The following BMERB1 variants were observed in gnomAD, a reference collection of about 807,000 sequenced individuals.
BMERB1 encodes the protein bMERB domain-containing protein 1.
Under a neutral mutation model 23.6 loss-of-function variants are expected in BMERB1, and 12 were observed. The observed-to-expected ratio is 0.51, with a 90% CI of 0.33 to 0.82. The LOEUF (loss-of-function observed/expected upper bound fraction) is 0.82, where lower values mean the gene tolerates loss of function less well. Among genes scored for constraint, BMERB1 ranks in the 40% least tolerant of loss-of-function variants. The pLI, the probability that BMERB1 is intolerant of heterozygous loss-of-function variation, is 0.03. For synonymous variants in BMERB1, 122 were observed against 96.6 expected (o/e 1.26, Z -1.54); for missense variants, 247 against 255.4 (o/e 0.97, Z 0.22).
rs908426918 is a variant in BMERB1 at position 15,587,737 on chromosome 16, G to A, written c.*908G>A. The A allele has an allele frequency of 2.5e-5, 7 of 284,590 alleles. No individual in the cohort carries two copies. The highest frequency in any genetic ancestry group is 6.7e-5 in the African/African-American group (3 of 44,484). The allele number at this position is 284,590 out of a possible 1,614,324, so 17.6% of individuals were successfully genotyped here. The stretch of plus-strand genomic sequence containing the variant: ...AACAGCAACAGGCAGGAGAGGCAGC[G>A]TGTGACCAGATTGTGTCCCGTCATT... On this transcript the variant is annotated 3_prime_UTR_variant, in exon 6 of 6. Coordinates refer to ENST00000300006, the MANE Select transcript of BMERB1 (RefSeq NM_033201.3).
At chr16:15,543,093 AAGT>A (rs1043236658) in intron 2 of BMERB1, among the ~76,000 whole-genome samples, 3 of 152,028 alleles carry the variant, frequency 2.0e-5, no homozygotes, top group Non-Finnish European at 4.4e-5. Context: ...ATTTTTTATT[AAGT>A]AGTGGAAGTG....
At chr16:15,490,045 T>G (rs1217128314) in intron 1 of BMERB1, among the ~76,000 whole-genome samples, 1 of 152,060 alleles carries the variant, frequency 6.6e-6, no homozygotes, top group East Asian at 1.9e-4. Context: ...TTTGTATTTT[T>G]TGTAGAGACG....
intron 1 of BMERB1, among the ~76,000 whole-genome samples, chr16:15,459,520 A>G (rs1282040103): frequency 6.6e-6 from 1 of 152,230 alleles, no homozygotes; most frequent in African/African-American, 2.4e-5. Context: ...AAAAAATGTT[A>G]CTAGAGACAA....
At chr16:15,499,438 A>T (rs1459660276) in intron 1 of BMERB1, among the ~76,000 whole-genome samples, 1 of 152,054 alleles carries the variant, frequency 6.6e-6, no homozygotes, top group East Asian at 1.9e-4. Context: ...AGTCAACGGC[A>T]TCAAATGCTC....
chr16:15,584,412 G>C (rs1043588646), intron 5 of BMERB1, among the ~76,000 whole-genome samples: 1 of 151,994 alleles, frequency 6.6e-6, no homozygotes, highest in Non-Finnish European at 1.5e-5. Flanking sequence ...CAAAAAATTA[G>C]CCGGGCTTGG....
At chr16:15,441,666 C>T (rs1181725554) in intron 1 of BMERB1, among the ~76,000 whole-genome samples, 2 of 152,078 alleles carry the variant, frequency 1.3e-5, no homozygotes, top group East Asian at 3.9e-4. Context: ...CCGTGAGCCA[C>T]GATGCCCAGC....
At chr16:15,499,108 C>T (rs750607957) in intron 1 of BMERB1, among the ~76,000 whole-genome samples, 1 of 152,204 alleles carries the variant, frequency 6.6e-6, no homozygotes. Context: ...AGGATTCCTC[C>T]CCAAATGGGC....
intron 1 of BMERB1, among the ~76,000 whole-genome samples, chr16:15,507,253 C>T (rs1306156454): frequency 1.3e-5 from 2 of 152,184 alleles, no homozygotes; most frequent in South Asian, 2.1e-4. Context: ...CCTCTATCAC[C>T]TCCACCACTC....
intron 1 of BMERB1, among the ~76,000 whole-genome samples, chr16:15,435,962 T>C (rs2050884638): frequency 6.6e-6 from 1 of 152,110 alleles, no homozygotes; most frequent in Non-Finnish European, 1.5e-5. Context: ...GGTCTTTCTT[T>C]CTAGTTCATC....
rs1026249827 is a variant in BMERB1 at position 15,534,864 on chromosome 16, G to A, written c.230+19436G>A. ...CGGCACCAATTTATGCTGAGCTCTT[G>A]CAAGTACCACCCCAGGTGTTTGTCA... On this transcript the variant is annotated intron_variant, in intron 2 of 5. Transcript: ENST00000300006. Among the ~76,000 whole-genome samples, 3 of 152,120 alleles carry A rather than the reference G, an allele frequency of 2.0e-5. No individual in the cohort carries two copies. In the East Asian group the frequency reaches 5.8e-4, roughly 29 times the overall value.
Position 15,548,375 on chromosome 16 carries a change from C to T in BMERB1, c.231-19608C>T, listed in dbSNP as rs544897453. 1.6e-4 allele frequency among the ~76,000 whole-genome samples: 25 copies of T among 152,316 alleles called. 1 individual carries two copies. The South Asian group carries it at 5.2e-3, about 32-fold the overall frequency. ...CTTTTCCCCAAATAATACTCAGCTT[C>T]TCTTCTAAGTAAACGTTGAATGAAT... is the stretch of plus-strand genomic sequence containing the variant. On this transcript the variant is annotated intron_variant, in intron 2 of 5. Coordinates refer to ENST00000300006, the MANE Select transcript of BMERB1 (RefSeq NM_033201.3).
chr16:15,481,015 A>G (rs1315451629), intron 1 of BMERB1, among the ~76,000 whole-genome samples: 2 of 152,342 alleles, frequency 1.3e-5, no homozygotes, highest in African/African-American at 4.8e-5. Flanking sequence ...ATAATAAAAA[A>G]TTAGAATCAG....
At chr16:15,583,409 A>C in intron 5 of BMERB1, among the ~76,000 whole-genome samples, 171 bp downstream of exon 5, 2 of 151,872 alleles carry the variant, frequency 1.3e-5, no homozygotes, top group Non-Finnish European at 2.9e-5. Context: ...GAAACCCCGT[A>C]TCTACCAAAA....
intron 2 of BMERB1, among the ~76,000 whole-genome samples, chr16:15,558,169 C>T (rs1398010906): frequency 6.6e-6 from 1 of 152,116 alleles, no homozygotes; most frequent in Non-Finnish European, 1.5e-5. Flanking sequence ...CCCTAGATAG[C>T]GAACCTGTCC....
chr16:15,504,948 C>G (rs1362970885), intron 1 of BMERB1, among the ~76,000 whole-genome samples: 1 of 152,022 alleles, frequency 6.6e-6, no homozygotes, highest in Non-Finnish European at 1.5e-5. Context: ...AGCACCCCCA[C>G]CCCCAGCCCT....
intron 1 of BMERB1, among the ~76,000 whole-genome samples, chr16:15,441,645 T>A (rs1334356923): frequency 6.6e-6 from 1 of 152,136 alleles, no homozygotes; most frequent in Admixed American, 6.6e-5. Flanking sequence ...CCCAAAATGC[T>A]GGGATTACAG....
intron 1 of BMERB1, among the ~76,000 whole-genome samples, chr16:15,444,123 G>GGTTTTTTTTTTTTTTT: frequency 2.8e-5 from 1 of 35,622 alleles, no homozygotes; most frequent in South Asian, 1.3e-3. Context: ...CACCAGCTTT[G>GGTTTTTTTTTTTTTTT]TTTTTTTTTT....
At chr16:15,494,040 G>C (rs963812935) in intron 1 of BMERB1, among the ~76,000 whole-genome samples, 2 of 152,046 alleles carry the variant, frequency 1.3e-5, no homozygotes, top group Non-Finnish European at 2.9e-5. Flanking sequence ...TTAGGGAGTC[G>C]GTTAAGATGC....
chr16:15,572,853 A>T (rs1163859985), intron 3 of BMERB1, among the ~76,000 whole-genome samples: 1 of 152,088 alleles, frequency 6.6e-6, no homozygotes, highest in Non-Finnish European at 1.5e-5. Context: ...CCCCCATACT[A>T]TTCTCATGGT....
Sources: gnomAD v4.1 joint callset for allele counts (sites outside exome capture counted in the v4.1 genomes callset) on GRCh38, gnomAD v4.1.1 for gene constraint, MANE v1.5 for transcripts, NCBI Gene and HGNC (gene_info 2026-07-23, HGNC 2026-07-21) for gene names.